The following STPG2 variants were observed in gnomAD, a reference collection of about 807,000 sequenced individuals.
The protein encoded by STPG2 is sperm-tail PG-rich repeat-containing protein 2.
A neutral mutation model predicts 54.2 loss-of-function variants in STPG2; 56 were observed. The ratio of observed to expected loss-of-function variants is 1.03; its 90% CI spans 0.83 to 1.29. The LOEUF is 1.29. Among genes scored for constraint, STPG2 ranks in the 50% most tolerant of loss-of-function variants. STPG2 has a pLI of 0.00. For missense variants in STPG2, 596 were observed against 544.9 expected (o/e 1.09, Z -0.93); for synonymous variants, 200 against 181.8 (o/e 1.10, Z -0.81).
At chr4:97,793,669 T>C (rs471500) in intron 9 of STPG2, among the ~76,000 whole-genome samples, 88,417 of 151,632 alleles carry the variant, frequency 0.58, 26,343 homozygotes, top group East Asian at 0.74. Flanking sequence ...TACATGAATC[T>C]AAACAGCAAT....
chr4:97,848,359 A>C (rs191884802), intron 8 of STPG2, among the ~76,000 whole-genome samples: 136 of 152,296 alleles, frequency 8.9e-4, no homozygotes, highest in Non-Finnish European at 1.6e-3. Context: ...GAAAAAGATA[A>C]AGCTGTCCGA....
intron 8 of STPG2, among the ~76,000 whole-genome samples, chr4:97,850,064 A>C (rs1363922684): frequency 2.0e-5 from 3 of 151,566 alleles, no homozygotes; most frequent in Non-Finnish European, 4.4e-5. Context: ...AATGTGGCAC[A>C]TATACATCAT....
At chr4:98,036,781 C>G (rs1376442229) in intron 5 of STPG2, among the ~76,000 whole-genome samples, 1 of 151,906 alleles carries the variant, frequency 6.6e-6, no homozygotes, top group Non-Finnish European at 1.5e-5. Flanking sequence ...ATGTAACAAA[C>G]CTGCACTTGT....
intron 9 of STPG2, among the ~76,000 whole-genome samples, chr4:97,773,738 A>G (rs550560366): frequency 6.0e-4 from 92 of 152,358 alleles, no homozygotes; most frequent in African/African-American, 2.2e-3. Context: ...AAACATTTAT[A>G]TAATATTAAG....
At chr4:97,796,506 G>A (rs901534669) in intron 9 of STPG2, among the ~76,000 whole-genome samples, 1 of 152,172 alleles carries the variant, frequency 6.6e-6, no homozygotes, top group South Asian at 2.1e-4. Context: ...AGATCAGATG[G>A]TAGTAGATGT....
chr4:97,728,384 C>G (rs1167302577), intron 9 of STPG2, among the ~76,000 whole-genome samples: 3 of 152,012 alleles, frequency 2.0e-5, no homozygotes, highest in African/African-American at 7.2e-5. Context: ...TTACTGATGA[C>G]AGTATTTACC....
At chr4:97,963,275 C>A (rs1320945761) in intron 7 of STPG2, among the ~76,000 whole-genome samples, 2 of 152,066 alleles carry the variant, frequency 1.3e-5, no homozygotes, top group East Asian at 3.8e-4. Context: ...CAGAAATGTT[C>A]CAAAAACTAT....
intron 8 of STPG2, among the ~76,000 whole-genome samples, chr4:97,881,245 C>A (rs979086676): frequency 2.6e-5 from 4 of 152,028 alleles, no homozygotes; most frequent in African/African-American, 9.7e-5. Flanking sequence ...TCTAAGCCAA[C>A]CCTCTCATTT....
At chr4:97,520,450 T>C (rs1427044283) in intron 4 of STPG2, among the ~76,000 whole-genome samples, 1 of 152,054 alleles carries the variant, frequency 6.6e-6, no homozygotes, top group Non-Finnish European at 1.5e-5. Flanking sequence ...TATGATTAAG[T>C]GAACAAGTCA....
At chr4:98,083,084 CTCTG>C (rs938944781) in intron 5 of STPG2, among the ~76,000 whole-genome samples, 4 of 152,068 alleles carry the variant, frequency 2.6e-5, no homozygotes, top group Non-Finnish European at 4.4e-5. Flanking sequence ...CTATTTTGGC[CTCTG>C]TCTACCTCCC....
At chr4:97,548,124 T>C (rs10027032) in intron 4 of STPG2, among the ~76,000 whole-genome samples, 73,549 of 151,948 alleles carry the variant, frequency 0.48, 18,575 homozygotes, top group South Asian at 0.63. Flanking sequence ...CACTCCAGCC[T>C]GGGCAACAAG....
At chr4:97,939,499 T>C (rs1256967217) in intron 8 of STPG2, among the ~76,000 whole-genome samples, 1 of 152,210 alleles carries the variant, frequency 6.6e-6, no homozygotes, top group African/African-American at 2.4e-5. Flanking sequence ...TGGGTGCATA[T>C]ATATTTAGAA....
chr4:97,709,354 T>A (rs1250027150), intron 10 of STPG2, among the ~76,000 whole-genome samples: 4 of 151,668 alleles, frequency 2.6e-5, no homozygotes, highest in Non-Finnish European at 4.4e-5. Flanking sequence ...CTCAACATGT[T>A]CTGGATTTAT....
At chr4:97,730,943 A>G (rs2149026578) in intron 9 of STPG2, among the ~76,000 whole-genome samples, 1 of 152,268 alleles carries the variant, frequency 6.6e-6, no homozygotes, top group Admixed American at 6.5e-5. Context: ...TTGAATTTCA[A>G]CTTTTTCCTG....
chr4:97,781,941 T>G (rs1726641549), intron 9 of STPG2, among the ~76,000 whole-genome samples: 1 of 152,172 alleles, frequency 6.6e-6, no homozygotes, highest in Non-Finnish European at 1.5e-5. Context: ...CTTAAAATAA[T>G]AAGAGCTATT....
chr4:98,062,793 T>A (rs1324782512), intron 5 of STPG2, among the ~76,000 whole-genome samples: 2 of 152,172 alleles, frequency 1.3e-5, no homozygotes, highest in Non-Finnish European at 2.9e-5. Flanking sequence ...ACTAATCTAA[T>A]AATATACCAC....
chr4:97,543,980 C>A (rs111869406), intron 4 of STPG2, among the ~76,000 whole-genome samples: 14 of 151,724 alleles, frequency 9.2e-5, no homozygotes, highest in South Asian at 4.1e-4. Context: ...CCAAAAGGTA[C>A]GAATATTGAA....
At chr4:97,501,214 T>C (rs1160609596) in intron 4 of STPG2, among the ~76,000 whole-genome samples, 14 of 152,192 alleles carry the variant, frequency 9.2e-5, no homozygotes, top group Admixed American at 7.9e-4. Context: ...TATAGTAGTG[T>C]AGAGAAAATC....
chr4:98,046,400 T>A (rs1165547170), intron 5 of STPG2, among the ~76,000 whole-genome samples: 1 of 152,182 alleles, frequency 6.6e-6, no homozygotes, highest in African/African-American at 2.4e-5. Flanking sequence ...CTTCCTTGAC[T>A]CTCTTTATTG....
Sources: gnomAD v4.1 joint callset for allele counts (sites outside exome capture counted in the v4.1 genomes callset) on GRCh38, gnomAD v4.1.1 for gene constraint, MANE v1.5 for transcripts, NCBI Gene and HGNC (gene_info 2026-07-23, HGNC 2026-07-21) for gene names.